Variants in MEAF6 observed in about 807,000 individuals in gnomAD.
MEAF6 encodes the protein MYST/Esa1 associated factor 6, also known as chromatin modification-related protein MEAF6.
Under a neutral mutation model 28.9 loss-of-function variants are expected in MEAF6, and 15 were observed. The ratio of observed to expected loss-of-function variants is 0.52; its 90% CI spans 0.35 to 0.80. MEAF6 has a LOEUF of 0.80. Among genes scored for constraint, MEAF6 ranks in the 30% least tolerant of loss-of-function variants. The pLI, the probability that MEAF6 is intolerant of heterozygous loss-of-function variation, is 0.01. For missense variants in MEAF6, 178 were observed against 237.5 expected (o/e 0.75, Z 1.65); for synonymous variants, 97 against 88.7 (o/e 1.09, Z -0.53).
At chr1:37,497,989 G>A (rs1427109491) in intron 5 of MEAF6, among the ~76,000 whole-genome samples, 1 of 152,158 alleles carries the variant, frequency 6.6e-6, no homozygotes, top group African/African-American at 2.4e-5. Context: ...ACCATTTTGT[G>A]CCATCACCAC....
chr1:37,507,080 G>T (rs966833474), intron 4 of MEAF6, among the ~76,000 whole-genome samples: 1 of 152,206 alleles, frequency 6.6e-6, no homozygotes, highest in African/African-American at 2.4e-5. Flanking sequence ...AGCAATTTGG[G>T]AGGCAAAGGC....
chr1:37,506,851 A>G (rs960980657), intron 4 of MEAF6, among the ~76,000 whole-genome samples: 14 of 152,174 alleles, frequency 9.2e-5, no homozygotes, highest in African/African-American at 3.4e-4. Context: ...CAGCCACTGC[A>G]CTCAGCCAAA....
At chr1:37,508,992 G>A (rs12735118) in intron 4 of MEAF6, among the ~76,000 whole-genome samples, 7,641 of 152,248 alleles carry the variant, frequency 0.05, 259 homozygotes, top group South Asian at 0.14. Context: ...AGCTACTTGG[G>A]AGGCCGAGGC....
intron 4 of MEAF6, among the ~76,000 whole-genome samples, chr1:37,507,239 G>C (rs1361458356): frequency 6.6e-6 from 1 of 151,826 alleles, no homozygotes; most frequent in Non-Finnish European, 1.5e-5. Context: ...AGAATTGCTT[G>C]AACTTGGGAG....
Position 37,491,044 on chromosome 1 carries a change from AAAT to A in MEAF6, c.*3052_*3054del, listed in dbSNP as rs1641913335. 6.6e-6 allele frequency among the ~76,000 whole-genome samples: 1 copy of A among 152,086 alleles called. No homozygotes were observed. Among genetic ancestry groups the A allele is most frequent in the Admixed American group, 6.5e-5 (1 of 15,270 alleles). On this transcript the variant is annotated 3_prime_UTR_variant, in exon 7 of 7. Coordinates refer to ENST00000296214, the MANE Select transcript of MEAF6 (RefSeq NM_001270875.3). ...TCTGTCTCAAAAAAATAAATAAATAAAATAATGCCTCATTAATTTGGAGTAAGG... is the reference window on the plus strand; with the variant it reads ...TCTGTCTCAAAAAAATAAATAAATAAAATGCCTCATTAATTTGGAGTAAGG...
At chr1:37,503,702 G>C (rs1642387999) in intron 4 of MEAF6, among the ~76,000 whole-genome samples, 1 of 149,836 alleles carries the variant, frequency 6.7e-6, no homozygotes, top group Non-Finnish European at 1.5e-5. Context: ...AGTGGCTCAT[G>C]CCTGTAATCC....
At chr1:37,496,435 G>A (rs1353733030) in intron 5 of MEAF6, 3 of 466,272 alleles carry the variant, frequency 6.4e-6, no homozygotes, top group Non-Finnish European at 1.0e-5. Context: ...AGCAAAGCCA[G>A]AAAATCAATT....
At chr1:37,494,638 C>T (rs1027673093) in intron 6 of MEAF6, among the ~76,000 whole-genome samples, 2 of 151,750 alleles carry the variant, frequency 1.3e-5, no homozygotes, top group Admixed American at 6.6e-5. Flanking sequence ...CGAGACCAGC[C>T]TGGGTAACAA....
intron 2 of MEAF6, 98 bp downstream of exon 2, chr1:37,513,325 T>C: frequency 1.2e-6 from 1 of 827,240 alleles, no homozygotes; most frequent in Non-Finnish European, 2.1e-6. Flanking sequence ...ACCACTACTT[T>C]ACTACTGCCT....
chr1:37,503,313 T>G (rs1347896328), intron 4 of MEAF6, among the ~76,000 whole-genome samples: 1 of 152,206 alleles, frequency 6.6e-6, no homozygotes, highest in Admixed American at 6.5e-5. Flanking sequence ...TAGATTACCT[T>G]AATAAAAGCA....
At chr1:37,497,490 G>C (rs1358926639) in intron 5 of MEAF6, among the ~76,000 whole-genome samples, 1 of 152,182 alleles carries the variant, frequency 6.6e-6, no homozygotes, top group East Asian at 1.9e-4. Flanking sequence ...ATGAAGAACA[G>C]TATTGCTCTG....
Position 37,514,732 on chromosome 1 carries a change from G to T in MEAF6, c.15C>A (p.Asn5Lys). 6.6e-7 allele frequency: 1 copy of T among 1,525,052 alleles called. No homozygotes were observed. 94.5% of individuals were successfully genotyped at this position (1,525,052 alleles called of 1,614,324 possible). Residue 5 changes from asparagine (N) to lysine (K), a missense_variant, in exon 1 of 7, where the codon AAC becomes AAA. Around this residue, in one of 2 missense-constraint regions of MEAF6, gnomAD observed 54 missense variants for 37.0 expected, o/e 1.46. Coordinates refer to ENST00000296214, the MANE Select transcript of MEAF6 (RefSeq NM_001270875.3). MAMHNKAAPPQIPDT... is the reference protein window; with the variant it reads MAMHKKAAPPQIPDT... ...CCGGGATCTGCGGCGGCGCCGCCTT[G>T]TTGTGCATCGCCATGTTGGGCTGAG...
chr1:37,514,722 G>A lies in MEAF6; in HGVS notation c.25C>T (p.Pro9Ser), dbSNP rs763619726. The A allele has an allele frequency of 3.9e-6, 6 of 1,533,988 alleles. No homozygotes were observed. In the African/African-American group the frequency reaches 7.2e-5, roughly 18 times the overall value. MAMHNKAA[P>S]PQIPDTRREL... ...CGCCGGGTGTCCGGGATCTGCGGCGGCGCCGCCTTGTTGTGCATCGCCATG... is the reference window on the plus strand; with the variant it reads ...CGCCGGGTGTCCGGGATCTGCGGCGACGCCGCCTTGTTGTGCATCGCCATG... The change falls in exon 1 of 7, where the codon CCG (proline) becomes TCG (serine). Residue 9 changes from proline to serine, a missense_variant. Coordinates refer to ENST00000296214, the MANE Select transcript of MEAF6 (RefSeq NM_001270875.3).
At chr1:37,509,235 G>A in intron 4 of MEAF6, 43 bp downstream of exon 4, 1 of 1,552,852 alleles carries the variant, frequency 6.4e-7, no homozygotes, top group East Asian at 2.2e-5. Flanking sequence ...GGTGATGGTA[G>A]CTTAAAAATA....
In MEAF6 at chr1:37,496,669, C is replaced by T. The variant is rs1464232216; in HGVS notation, c.534-751G>A. 5.1e-6 allele frequency: 8 copies of T among 1,568,174 alleles called. No individual in the cohort carries two copies. In the South Asian group the frequency reaches 8.0e-5, roughly 16 times the overall value. The stretch of plus-strand genomic sequence containing the variant: ...AAAAAGGCATACTGGTGTCTACACA[C>T]TAAACACAGCACAAATACTAATTCA... On this transcript the variant is annotated intron_variant, in intron 5 of 6. Transcript: ENST00000296214.
chr1:37,501,229 A>T (rs988376539), intron 5 of MEAF6, among the ~76,000 whole-genome samples: 1 of 152,206 alleles, frequency 6.6e-6, no homozygotes, highest in African/African-American at 2.4e-5. Context: ...GTTACCTATG[A>T]AGACACTCTC....
At chr1:37,507,539 G>C (rs985536203) in intron 4 of MEAF6, among the ~76,000 whole-genome samples, 2 of 151,804 alleles carry the variant, frequency 1.3e-5, no homozygotes, top group African/African-American at 4.8e-5. Flanking sequence ...CTGGCAGAAA[G>C]GAGTCAAAGA....
At chr1:37,494,186 TAAAC>T (rs1450658479) in intron 6 of MEAF6, 79 bp from the exon 7 acceptor site, 2 of 1,206,922 alleles carry the variant, frequency 1.7e-6, no homozygotes, top group Non-Finnish European at 1.2e-6. Context: ...AAAAATCTCA[TAAAC>T]AACTCTACTA....
In MEAF6 at chr1:37,493,205, T is replaced by C. The variant is rs900606211; in HGVS notation, c.*894A>G. The C allele has an allele frequency of 2.0e-5, 3 of 152,210 alleles. No homozygotes were observed. The highest frequency in any genetic ancestry group is 7.3e-5 in the African/African-American group (3 of 41,376). 9.4% of individuals were successfully genotyped at this position (152,210 alleles called of 1,614,324 possible). On this transcript the variant is annotated 3_prime_UTR_variant, in exon 7 of 7. Transcript: ENST00000296214. ...ATTTTTAGAGCAATATTTAATCAGG[T>C]GAATACCAGCAAAGAGAGAAAATAC...
Sources: gnomAD v4.1 joint callset for allele counts (sites outside exome capture counted in the v4.1 genomes callset) on GRCh38, gnomAD v4.1.1 for gene constraint, gnomAD v4.1.1 regional missense constraint, MANE v1.5 for transcripts, NCBI Gene and HGNC (gene_info 2026-07-23, HGNC 2026-07-21) for gene names.